Variants in RIPK2 observed in about 807,000 individuals in gnomAD.
The protein encoded by RIPK2 is receptor-interacting serine/threonine-protein kinase 2.
A neutral mutation model predicts 60.9 loss-of-function variants in RIPK2; 38 were observed. The ratio of observed to expected loss-of-function variants is 0.62; its 90% CI spans 0.48 to 0.82. RIPK2 has a LOEUF of 0.82. Among genes scored for constraint, RIPK2 ranks in the 40% least tolerant of loss-of-function variants. The probability of loss-of-function intolerance (pLI) is 0.00; values close to 1 mark genes in which losing one functional copy is unlikely to be tolerated. For synonymous variants in RIPK2, 225 were observed against 223.4 expected, an observed-to-expected ratio of 1.01 and a Z score of -0.06; for missense variants, 518 against 647.0, an observed-to-expected ratio of 0.80 and a Z score of 2.16.
chr8:89,787,265 A>C (rs193099544), intron 9 of RIPK2, among the ~76,000 whole-genome samples: 133 of 152,380 alleles, frequency 8.7e-4, no homozygotes, highest in African/African-American at 2.8e-3. Flanking sequence ...CTAAATAACT[A>C]TTATATGAGA....
rs1458226113 is a variant in RIPK2 at position 89,789,438 on chromosome 8, G to A, written c.1241G>A (p.Cys414Tyr). 6.2e-7 allele frequency: 1 copy of A among 1,613,834 alleles called. No homozygotes were observed. Among genetic ancestry groups the A allele is most frequent in the Non-Finnish European group, 8.5e-7 (1 of 1,179,968 alleles). Reference sequence around the variant, plus strand: ...TTCTGTGATCACAAGACCACTCCATGCTCTTCAGCAATAATAAATCCACTC... The same window carrying A: ...TTCTGTGATCACAAGACCACTCCATACTCTTCAGCAATAATAAATCCACTC... ...AAFCDHKTTP[C>Y]SSAIINPLST... is the part of the protein sequence containing the mutation. Residue 414 changes from cysteine to tyrosine, a missense_variant, in exon 10 of 11, where the codon TGC (cysteine) becomes TAC (tyrosine). Physicochemically the swap from Cys to Tyr is radical, Grantham distance 194. Around this residue, in one of 3 missense-constraint regions of RIPK2, gnomAD observed 448 missense variants for 534.7 expected, o/e 0.84. Transcript: ENST00000220751.
intron 7 of RIPK2, among the ~76,000 whole-genome samples, chr8:89,782,734 G>A (rs1586132046): frequency 2.0e-5 from 3 of 152,020 alleles, no homozygotes; most frequent in Non-Finnish European, 1.5e-5. Context: ...ATCAGCTCCC[G>A]TAATTTATGT....
At chr8:89,780,492 A>G (rs1272789948) in intron 7 of RIPK2, 1 of 154,718 alleles carries the variant, frequency 6.5e-6, no homozygotes, top group Non-Finnish European at 1.4e-5. Context: ...CCACATAGCA[A>G]GACCCCACCT....
Position 89,784,141 on chromosome 8 carries a change from T to TAAAAAAAAAAAAAAAAAAAAAAAGAAAAA in RIPK2, c.1029+26_1029+27insAAAAAAAAAAAAAAAAAAAAAAAAAAAAG. The TAAAAAAAAAAAAAAAAAAAAAAAGAAAAA allele has an allele frequency of 1.8e-6, 1 of 556,168 alleles. No homozygotes were observed. 34.5% of individuals were successfully genotyped at this position (556,168 alleles called of 1,614,324 possible). On this transcript the variant is annotated splice_region_variant and intron_variant, in intron 8 of 10. Transcript: ENST00000220751. The stretch of plus-strand genomic sequence containing the variant: ...CCTGTAAATCATGGTCCACAAGAGG[T>TAAAAAAAAAAAAAAAAAAAAAAAGAAAAA]AAAAAAAAAAAAAAAAAAAAAAAGG...
At chr8:89,770,028 C>A in intron 4 of RIPK2, 99 bp downstream of exon 4, 1 of 946,860 alleles carries the variant, frequency 1.1e-6, no homozygotes, top group South Asian at 1.8e-5. Context: ...GATTTTTATT[C>A]TTCTCTCATA....
chr8:89,790,015 A>C, intron 10 of RIPK2, 64 bp from the exon 11 acceptor site: 1 of 1,162,394 alleles, frequency 8.6e-7, no homozygotes, highest in East Asian at 2.4e-5. Flanking sequence ...TTTTCATGGA[A>C]TTTTACTTAT....
chr8:89,775,286 TAAAA>T (rs917298123), intron 6 of RIPK2, among the ~76,000 whole-genome samples: 8 of 147,916 alleles, frequency 5.4e-5, no homozygotes, highest in African/African-American at 2.0e-4. Context: ...AAAATAAAAA[TAAAA>T]AAAAAATAAA....
chr8:89,780,928 A>G (rs1047798272), intron 7 of RIPK2: 9 of 150,376 alleles, frequency 6.0e-5, no homozygotes, highest in African/African-American at 2.0e-4. Flanking sequence ...AATTTAAGGG[A>G]CCTATTACTG....
rs967097666 is a variant in RIPK2, at chr8:89,788,875, G to A, written c.1124-446G>A. Among the ~76,000 whole-genome samples, 11 of 152,078 alleles carry A rather than the reference G, an allele frequency of 7.2e-5. No individual in the cohort carries two copies. The South Asian group carries it at 1.2e-3, about 17-fold the overall frequency. On this transcript the variant is annotated intron_variant, in intron 9 of 10. Coordinates refer to ENST00000220751, the MANE Select transcript of RIPK2 (RefSeq NM_003821.6). ...AGAAGGAAGGAAGGAAATATAAGAC[G>A]AAAGTTCAATGAAGACAGAAAATGT...
intron 6 of RIPK2, among the ~76,000 whole-genome samples, chr8:89,779,646 C>T (rs751471270): frequency 1.3e-5 from 2 of 151,958 alleles, no homozygotes; most frequent in Non-Finnish European, 2.9e-5. Context: ...TAATGGATTT[C>T]ATTTTTGATG....
At chr8:89,768,766 T>C (rs1809268274) in intron 3 of RIPK2, among the ~76,000 whole-genome samples, 1 of 151,726 alleles carries the variant, frequency 6.6e-6, no homozygotes, top group Non-Finnish European at 1.5e-5. Flanking sequence ...CCCCTCCTTT[T>C]TGGGAATGGA....
intron 9 of RIPK2, 125 bp downstream of exon 9, chr8:89,786,811 G>A (rs1201822798): frequency 7.5e-5 from 50 of 662,968 alleles, no homozygotes; most frequent in African/African-American, 7.6e-5. Flanking sequence ...TTTGTAAAGC[G>A]ACAGAGTCTA....
intron 3 of RIPK2, among the ~76,000 whole-genome samples, chr8:89,769,263 T>C (rs1217803986): frequency 5.9e-5 from 9 of 151,868 alleles, no homozygotes; most frequent in Admixed American, 3.9e-4. Context: ...GTATAATAAT[T>C]ACCTTTACAA....
intron 2 of RIPK2, 100 bp from the exon 3 acceptor site, chr8:89,765,241 T>C: frequency 1.2e-6 from 1 of 800,630 alleles, no homozygotes; most frequent in Non-Finnish European, 2.0e-6. Flanking sequence ...TTAACCTTAG[T>C]TTATACTGTA....
Position 89,769,786 on chromosome 8 carries a change from T to C in RIPK2, c.498T>C (p.Gly166=), listed in dbSNP as rs148055988. The C allele has an allele frequency of 1.3e-6, 2 of 1,597,208 alleles. No individual in the cohort carries two copies. Among genetic ancestry groups the C allele is most frequent in the African/African-American group, 1.4e-5 (1 of 73,584 alleles). The change falls in exon 4 of 11, where the codon GGT becomes GGC. Residue 166 remains glycine, a synonymous_variant. Coordinates refer to ENST00000220751, the MANE Select transcript of RIPK2 (RefSeq NM_003821.6). The stretch of plus-strand genomic sequence containing the variant: ...GTCCCTTACAGATTGCAGATTTTGG[T>C]TTATCAAAGTGGCGCATGATGTCCC... ...NEFHVKIADF[G]LSKWRMMSLS... is the part of the protein sequence containing the mutation.
intron 6 of RIPK2, among the ~76,000 whole-genome samples, chr8:89,779,136 T>C (rs886978822): frequency 8.5e-5 from 13 of 152,092 alleles, no homozygotes; most frequent in African/African-American, 3.1e-4. Context: ...AATTTTGCTA[T>C]TTTTCCTGTT....
At chr8:89,769,995 T>C in intron 4 of RIPK2, 66 bp downstream of exon 4, 1 of 1,280,978 alleles carries the variant, frequency 7.8e-7, no homozygotes, top group Non-Finnish European at 1.1e-6. Flanking sequence ...CAACCAGAAT[T>C]TTGAAGCTAC....
intron 6 of RIPK2, among the ~76,000 whole-genome samples, chr8:89,777,425 GT>G: frequency 6.6e-6 from 1 of 152,286 alleles, no homozygotes; most frequent in Middle Eastern, 3.4e-3. Flanking sequence ...CTTTTGATTT[GT>G]AAATATAATG....
chr8:89,776,035 G>A (rs1809393860), intron 6 of RIPK2, among the ~76,000 whole-genome samples: 1 of 152,090 alleles, frequency 6.6e-6, no homozygotes, highest in South Asian at 2.1e-4. Flanking sequence ...CCCTACAGTT[G>A]ATAGCTTTAC....
Sources: gnomAD v4.1 joint callset for allele counts (sites outside exome capture counted in the v4.1 genomes callset) on GRCh38, gnomAD v4.1.1 for gene constraint, gnomAD v4.1.1 regional missense constraint, MANE v1.5 for transcripts, NCBI Gene and HGNC (gene_info 2026-07-23, HGNC 2026-07-21) for gene names.